Variants in SLC9A7 observed in about 807,000 individuals in gnomAD.
SLC9A7 encodes solute carrier family 9 member A7.
A neutral mutation model predicts 52.6 loss-of-function variants in SLC9A7; 19 were observed. The ratio of observed to expected loss-of-function variants is 0.36; its 90% CI spans 0.25 to 0.53. The LOEUF is 0.53. Among genes scored for constraint, SLC9A7 ranks in the 20% least tolerant of loss-of-function variants. The pLI is 0.91. For missense variants in SLC9A7, 455 were observed against 597.9 expected (o/e 0.76, Z 2.49); for synonymous variants, 226 against 252.1 (o/e 0.90, Z 0.98).
intron 14 of SLC9A7, among the ~76,000 whole-genome samples, chrX:46,621,478 G>A (rs1299007632): frequency 1.8e-5 from 2 of 111,566 alleles, no homozygotes; most frequent in South Asian, 3.8e-4. Flanking sequence ...TAGGCCTGTG[G>A]AAACCACATA....
chrX:46,675,077 G>A (rs1306004384), intron 3 of SLC9A7, among the ~76,000 whole-genome samples: 1 of 84,879 alleles, frequency 1.2e-5, no homozygotes, highest in Admixed American at 1.2e-4. Context: ...GTGTGTGTGT[G>A]TGTGTGTGTG....
chrX:46,723,315 A>G (rs1944892091), intron 1 of SLC9A7, among the ~76,000 whole-genome samples: 1 of 107,695 alleles, frequency 9.3e-6, no homozygotes, highest in Admixed American at 1.0e-4. Flanking sequence ...AAAAAAAAAA[A>G]AAGAAAGAAA....
chrX:46,739,956 T>C (rs887384472), intron 1 of SLC9A7, among the ~76,000 whole-genome samples: 1 of 111,741 alleles, frequency 8.9e-6, no homozygotes, highest in Admixed American at 9.5e-5. Context: ...GCCCACTCTA[T>C]TAATGAATGC....
intron 1 of SLC9A7, among the ~76,000 whole-genome samples, chrX:46,733,174 C>A (rs776040466): frequency 1.8e-5 from 2 of 111,801 alleles, no homozygotes; most frequent in South Asian, 3.7e-4. Context: ...TATATGTAGA[C>A]CATGTAAATG....
chrX:46,712,738 C>G (rs749038136), intron 1 of SLC9A7, among the ~76,000 whole-genome samples: 2 of 112,275 alleles, frequency 1.8e-5, no homozygotes, highest in Admixed American at 9.4e-5. Context: ...TAATATGCCA[C>G]AGTTTATTAA....
chrX:46,612,762 C>A (rs182516992), intron 16 of SLC9A7, among the ~76,000 whole-genome samples: 8 of 107,539 alleles, frequency 7.4e-5, no homozygotes, highest in African/African-American at 2.0e-4. Context: ...CCTGTCTCTA[C>A]TAAAAATACA....
intron 1 of SLC9A7, among the ~76,000 whole-genome samples, chrX:46,683,977 T>C (rs2146874929): frequency 8.9e-6 from 1 of 112,129 alleles, no homozygotes; most frequent in African/African-American, 3.2e-5. Context: ...AAATAAAATA[T>C]AAAATCTAGA....
At chrX:46,706,336 T>C (rs1371137742) in intron 1 of SLC9A7, among the ~76,000 whole-genome samples, 1 of 105,765 alleles carries the variant, frequency 9.5e-6, no homozygotes, top group African/African-American at 3.4e-5. Context: ...TGGGAAGAGG[T>C]AGCTGGAAGG....
At chrX:46,755,191 A>C (rs1556291177) in intron 1 of SLC9A7, among the ~76,000 whole-genome samples, 7 of 111,607 alleles carry the variant, frequency 6.3e-5, no homozygotes, top group African/African-American at 2.3e-4. Flanking sequence ...TGTGTCTTTT[A>C]TTTTCCTTAG....
In SLC9A7 at chrX:46,606,243, A is replaced by G; in HGVS notation, c.*709T>C. 1.3e-6 allele frequency: 1 copy of G among 742,516 alleles called. No homozygotes were observed. The highest frequency in any genetic ancestry group is 1.6e-6 in the Non-Finnish European group (1 of 628,455). The allele number at this position is 742,516 out of a possible 1,213,427, so 61.2% of individuals were successfully genotyped here. A position where few individuals can be genotyped will look rare whatever the true frequency, so the allele number is the denominator to read the frequency against. Reference sequence around the variant, plus strand: ...TTCCTCAGATTAATCAAAAAATAAGAGTATAACACTATTTGCCTTTGGTTT... The same window carrying G: ...TTCCTCAGATTAATCAAAAAATAAGGGTATAACACTATTTGCCTTTGGTTT... On this transcript the variant is annotated 3_prime_UTR_variant, in exon 17 of 17. Transcript: ENST00000616978.
intron 3 of SLC9A7, among the ~76,000 whole-genome samples, chrX:46,678,979 C>T (rs1944167139): frequency 1.8e-5 from 2 of 111,424 alleles, no homozygotes; most frequent in African/African-American, 3.3e-5. Context: ...ACAACTGTTC[C>T]ATCACCCTGA....
chrX:46,663,396 T>C (rs1410504080), intron 5 of SLC9A7, among the ~76,000 whole-genome samples: 1 of 108,147 alleles, frequency 9.2e-6, no homozygotes, highest in Non-Finnish European at 1.9e-5. Flanking sequence ...CCCAGCACTT[T>C]GGGAGGCCGA....
intron 1 of SLC9A7, among the ~76,000 whole-genome samples, chrX:46,726,879 C>T (rs1265952316): frequency 9.0e-6 from 1 of 111,114 alleles, no homozygotes; most frequent in Non-Finnish European, 1.9e-5. Context: ...AAAAACAGCC[C>T]CTTTTCCTGT....
chrX:46,730,106 C>T (rs1260440457), intron 1 of SLC9A7, among the ~76,000 whole-genome samples: 1 of 111,329 alleles, frequency 9.0e-6, no homozygotes, highest in Non-Finnish European at 1.9e-5. Context: ...AGCCTTCATA[C>T]CCTTTAAGGA....
At chrX:46,663,638 CA>C (rs1315683837) in intron 5 of SLC9A7, among the ~76,000 whole-genome samples, 743 of 24,565 alleles carry the variant, frequency 0.03, 10 homozygotes, top group African/African-American at 0.13. Flanking sequence ...AACTCCATCT[CA>C]AAAAAAAAAA....
At chrX:46,740,664 C>T (rs1056976940) in intron 1 of SLC9A7, among the ~76,000 whole-genome samples, 5 of 110,669 alleles carry the variant, frequency 4.5e-5, no homozygotes, top group Non-Finnish European at 7.6e-5. Context: ...CTTACAATAG[C>T]CACAAACAAA....
In SLC9A7 at chrX:46,608,179, C is replaced by T. The variant is rs778139744; in HGVS notation, c.1930-976G>A. ...AGATCAGCCCCATCTAGATGACAAA[C>T]GCCAAAGGGCAGTGACCTCCTTCTC... On this transcript the variant is annotated intron_variant, in intron 16 of 16. Coordinates refer to ENST00000616978, the MANE Select transcript of SLC9A7 (RefSeq NM_001257291.2). 8.9e-5 allele frequency among the ~76,000 whole-genome samples: 10 copies of T among 112,470 alleles called. No homozygotes were observed. In the South Asian group the frequency reaches 2.2e-3, roughly 25 times the overall value.
chrX:46,725,757 A>G lies in SLC9A7; in HGVS notation c.325+32948T>C, dbSNP rs150721011. 65 of 1,001,120 alleles carry G rather than the reference A, an allele frequency of 6.5e-5. No homozygotes were observed. The African/African-American group carries it at 1.1e-3, about 16-fold the overall frequency. The allele number at this position is 1,001,120 out of a possible 1,213,427, so 82.5% of individuals were successfully genotyped here. ...TTCTGCCCTGCTGTCCACCATGTCAATGCAGTCAGTCAGGCTGGGCAGTGG... is the reference window on the plus strand; with the variant it reads ...TTCTGCCCTGCTGTCCACCATGTCAGTGCAGTCAGTCAGGCTGGGCAGTGG... On this transcript the variant is annotated intron_variant, in intron 1 of 16. Transcript: ENST00000616978.
At chrX:46,643,859 C>G (rs1161335634) in intron 11 of SLC9A7, among the ~76,000 whole-genome samples, 1 of 111,908 alleles carries the variant, frequency 8.9e-6, no homozygotes, top group Non-Finnish European at 1.9e-5. Flanking sequence ...ATAACCCAAT[C>G]TACATCAGGG....
Sources: allele counts gnomAD v4.1 joint callset (sites outside exome capture counted in the v4.1 genomes callset), GRCh38; gene constraint gnomAD v4.1.1; transcripts MANE v1.5; gene names NCBI Gene and HGNC (gene_info 2026-07-23, HGNC 2026-07-21).